CPEB1: variants seen among roughly 807,000 people sequenced by gnomAD.
CPEB1 encodes the protein cytoplasmic polyadenylation element binding protein 1.
Under a neutral mutation model 65.8 loss-of-function variants are expected in CPEB1, and 7 were observed. The ratio of observed to expected loss-of-function variants is 0.11; its 90% CI spans 0.06 to 0.20. The LOEUF is 0.20. CPEB1 is among the 10% of genes least tolerant of loss of function. The pLI, the probability that CPEB1 is intolerant of heterozygous loss-of-function variation, is 1.00. For missense variants in CPEB1, 551 were observed against 712.2 expected, an observed-to-expected ratio of 0.77 and a Z score of 2.58; for synonymous variants, 262 against 260.0, an observed-to-expected ratio of 1.01 and a Z score of -0.08.
chr15:82,608,773 TC>T (rs921921164), intron 3 of CPEB1, among the ~76,000 whole-genome samples: 3 of 149,578 alleles, frequency 2.0e-5, no homozygotes, highest in Admixed American at 6.7e-5. Flanking sequence ...GATTTTATTT[TC>T]ATTTATTTAT....
chr15:82,630,028 G>A, intron 1 of CPEB1: 1 of 985,364 alleles, frequency 1.0e-6, no homozygotes, highest in African/African-American at 1.7e-5. Flanking sequence ...TGACACACAA[G>A]GCCCTTTTCA....
intron 9 of CPEB1, among the ~76,000 whole-genome samples, chr15:82,550,956 G>A (rs1388103483): frequency 6.6e-6 from 1 of 152,116 alleles, no homozygotes; most frequent in Non-Finnish European, 1.5e-5. Context: ...GGTGTCTACA[G>A]GGGCACTGAG....
At chr15:82,597,084 G>T (rs1265762269) in intron 3 of CPEB1, among the ~76,000 whole-genome samples, 1 of 152,216 alleles carries the variant, frequency 6.6e-6, no homozygotes, top group Non-Finnish European at 1.5e-5. Flanking sequence ...AGTGCTTTTG[G>T]AGGCTGAGGC....
chr15:82,612,562 C>A (rs1324966377), intron 3 of CPEB1, among the ~76,000 whole-genome samples: 2 of 149,396 alleles, frequency 1.3e-5, no homozygotes, highest in Non-Finnish European at 3.0e-5. Context: ...CTGGGTCAGG[C>A]AAGGTGGCTC....
chr15:82,629,520 T>C, intron 1 of CPEB1: 1 of 985,348 alleles, frequency 1.0e-6, no homozygotes, highest in Non-Finnish European at 1.2e-6. Flanking sequence ...TCTCGGTAAA[T>C]AACACCACCA....
intron 1 of CPEB1, chr15:82,640,988 A>G (rs1007080481): frequency 2.0e-5 from 3 of 152,180 alleles, no homozygotes; most frequent in Non-Finnish European, 2.9e-5. Context: ...CAGAGGTAAG[A>G]GTGTATGAAT....
At chr15:82,575,253 C>G (rs1359180260) in intron 3 of CPEB1, among the ~76,000 whole-genome samples, 1 of 152,158 alleles carries the variant, frequency 6.6e-6, no homozygotes, top group African/African-American at 2.4e-5. Flanking sequence ...ACAAATGGCA[C>G]TGGAACACCA....
intron 3 of CPEB1, among the ~76,000 whole-genome samples, chr15:82,598,462 C>A (rs965711856): frequency 8.6e-5 from 13 of 151,860 alleles, no homozygotes; most frequent in African/African-American, 3.1e-4. Context: ...CCACTCCAGC[C>A]TGAGTGACAG....
chr15:82,572,044 C>G (rs2040120761), intron 3 of CPEB1: 1 of 168,204 alleles, frequency 5.9e-6, no homozygotes, highest in East Asian at 1.9e-4. Flanking sequence ...TCTCCGCCGA[C>G]AGCAGAGCCA....
chr15:82,637,359 T>C (rs527358347), intron 1 of CPEB1, among the ~76,000 whole-genome samples: 1 of 152,182 alleles, frequency 6.6e-6, no homozygotes, highest in African/African-American at 2.4e-5. Context: ...TAAAAAGCAA[T>C]TTTGGAGTCC....
chr15:82,558,125 G>A, intron 4 of CPEB1, 139 bp from the exon 5 acceptor site: 6 of 611,374 alleles, frequency 9.8e-6, no homozygotes, highest in Non-Finnish European at 1.7e-5. Context: ...ACAATATAAT[G>A]AACAGATATA....
chr15:82,605,589 A>G (rs547970703), intron 3 of CPEB1, among the ~76,000 whole-genome samples: 1 of 152,320 alleles, frequency 6.6e-6, no homozygotes, highest in African/African-American at 2.4e-5. Context: ...TAATGAATAT[A>G]TTAGCTTTAA....
At chr15:82,546,610 C>T in intron 11 of CPEB1, 89 bp from the exon 12 acceptor site, 1 of 924,492 alleles carries the variant, frequency 1.1e-6, no homozygotes, top group Admixed American at 1.8e-5. Flanking sequence ...ATTGGCCACA[C>T]ACAGGAATGC....
rs369545722 is a variant in CPEB1 at position 82,553,420 on chromosome 15, G to A, written c.1144+47C>T. ...TAGGTGCAGTTATGTACTAGGGAAG[G>A]GAAAAAAAAGCTCCTACCATGTCTT... On this transcript the variant is annotated intron_variant, in intron 8 of 12. Coordinates refer to ENST00000684509, the MANE Select transcript of CPEB1 (RefSeq NM_001365242.1). 393 of 1,459,132 alleles carry A rather than the reference G, an allele frequency of 2.7e-4. 1 individual carries two copies. The African/African-American group carries it at 5.0e-3, about 18-fold the overall frequency. 90.4% of individuals were successfully genotyped at this position (1,459,132 alleles called of 1,614,324 possible).
intron 1 of CPEB1, among the ~76,000 whole-genome samples, chr15:82,630,873 CTTTCAATACACAAAATTGTGTCT>C (rs889932843): frequency 5.9e-5 from 9 of 152,138 alleles, no homozygotes; most frequent in African/African-American, 9.7e-5. Flanking sequence ...TCAGCATTGT[CTTTCAATACACAAAATTGTGTCT>C]TTTCAATACA....
At position 82,557,773 on chromosome 15, in the gene CPEB1, A is replaced by C; in HGVS notation, c.674T>G (p.Leu225Arg). 6.2e-7 allele frequency: 1 copy of C among 1,613,784 alleles called. No homozygotes were observed. The highest frequency in any genetic ancestry group is 8.5e-7 in the Non-Finnish European group (1 of 1,179,790). The change falls in exon 5 of 13, where the codon CTC becomes CGC. Residue 225 changes from leucine (L) to arginine (R), a missense_variant. Coordinates refer to ENST00000684509, the MANE Select transcript of CPEB1 (RefSeq NM_001365242.1). Reference sequence around the variant, plus strand: ...TGAGTTACATACAATCAAATCTGAGAGATGATCTGATCCAGAGCTGAAGCC... The same window carrying C: ...TGAGTTACATACAATCAAATCTGAGCGATGATCTGATCCAGAGCTGAAGCC... ...TSGFSSGSDH[L>R]SDLISSLRIS...
At chr15:82,575,080 C>T (rs918152432) in intron 3 of CPEB1, among the ~76,000 whole-genome samples, 3 of 152,090 alleles carry the variant, frequency 2.0e-5, no homozygotes, top group African/African-American at 7.2e-5. Flanking sequence ...ACAGAAAGGT[C>T]GTATGGATAC....
intron 3 of CPEB1, among the ~76,000 whole-genome samples, chr15:82,623,266 T>C (rs986871599): frequency 1.3e-5 from 2 of 152,260 alleles, no homozygotes; most frequent in Non-Finnish European, 2.9e-5. Context: ...AATGATGCTT[T>C]ATCAACTGGG....
At chr15:82,577,879 G>A (rs548036023) in intron 3 of CPEB1, among the ~76,000 whole-genome samples, 1 of 151,932 alleles carries the variant, frequency 6.6e-6, no homozygotes, top group Non-Finnish European at 1.5e-5. Context: ...GGTGGCTCAC[G>A]CCTGTAATCC....
Sources: gnomAD v4.1 joint callset for allele counts (sites outside exome capture counted in the v4.1 genomes callset) on GRCh38, gnomAD v4.1.1 for gene constraint, MANE v1.5 for transcripts, NCBI Gene and HGNC (gene_info 2026-07-23, HGNC 2026-07-21) for gene names.